Variants in FIG4 observed in about 807,000 individuals in gnomAD.
FIG4 encodes polyphosphoinositide phosphatase.
A neutral mutation model predicts 118.6 loss-of-function variants in FIG4; 112 were observed. That is an observed-to-expected ratio of 0.94 (90% CI 0.81 to 1.11). The LOEUF (loss-of-function observed/expected upper bound fraction) is 1.11. Among genes scored for constraint, FIG4 ranks in the 50% least tolerant of loss-of-function variants. The pLI, the probability that FIG4 is intolerant of heterozygous loss-of-function variation, is 0.00. For missense variants in FIG4, 969 were observed against 1,111.7 expected (o/e 0.87, Z 1.83); for synonymous variants, 369 against 381.2 (o/e 0.97, Z 0.37).
intron 21 of FIG4, among the ~76,000 whole-genome samples, chr6:109,796,020 T>C (rs1297423417): frequency 6.6e-6 from 1 of 152,190 alleles, no homozygotes; most frequent in African/African-American, 2.4e-5. Context: ...TTCCAGCAGA[T>C]ATGCACTCCA....
chr6:109,818,768 A>G (rs1423448255), intron 22 of FIG4, among the ~76,000 whole-genome samples: 2 of 152,170 alleles, frequency 1.3e-5, no homozygotes, highest in African/African-American at 4.8e-5. Context: ...CTGTGCCACT[A>G]ATCTGCAAAA....
chr6:109,720,405 A>G (rs1467283824), intron 3 of FIG4, among the ~76,000 whole-genome samples: 1 of 152,234 alleles, frequency 6.6e-6, no homozygotes, highest in Non-Finnish European at 1.5e-5. Context: ...AACTTTTTGA[A>G]CATGCTGAAT....
intron 18 of FIG4, among the ~76,000 whole-genome samples, chr6:109,787,106 G>A (rs185206490): frequency 9.1e-4 from 138 of 152,146 alleles, no homozygotes; most frequent in Non-Finnish European, 1.2e-3. Context: ...AACTTATGTG[G>A]CATGGTTTCC....
At chr6:109,785,193 CTT>C (rs1483573446) in intron 17 of FIG4, among the ~76,000 whole-genome samples, 165 bp downstream of exon 17, 2 of 152,114 alleles carry the variant, frequency 1.3e-5, no homozygotes, top group Non-Finnish European at 2.9e-5. Context: ...TATAACATCT[CTT>C]AGCTTTTTAA....
intron 22 of FIG4, among the ~76,000 whole-genome samples, chr6:109,804,701 T>C (rs949909563): frequency 6.6e-6 from 1 of 152,178 alleles, no homozygotes. Context: ...GAAATCATAC[T>C]CTGGAAATCA....
chr6:109,823,325 A>G (rs1779066885), intron 22 of FIG4, among the ~76,000 whole-genome samples: 2 of 152,290 alleles, frequency 1.3e-5, no homozygotes, highest in South Asian at 4.1e-4. Context: ...TACTCTGAGG[A>G]GCTGAAATTC....
chr6:109,738,310 A>G lies in FIG4; in HGVS notation c.647-15A>G. The G allele has an allele frequency of 6.3e-7, 1 of 1,595,356 alleles. No individual in the cohort carries two copies. ...TTTGTGTATTTATGGACTGATACAG[A>G]CTTTTATTTTTCAGGGGTATTTGGG... is the stretch of plus-strand genomic sequence containing the variant. On this transcript the variant is annotated splice_polypyrimidine_tract_variant and intron_variant, in intron 6 of 22. Coordinates refer to ENST00000230124, the MANE Select transcript of FIG4 (RefSeq NM_014845.6).
chr6:109,738,751 G>A lies in FIG4; in HGVS notation c.775+298G>A, dbSNP rs12201444. Reference sequence around the variant, plus strand: ...AATTACTGATAGTTGGAGAGGATGGGACAGGCCCATGGGAATAGTTGAACT... The same window carrying A: ...AATTACTGATAGTTGGAGAGGATGGAACAGGCCCATGGGAATAGTTGAACT... On this transcript the variant is annotated intron_variant, in intron 7 of 22. Coordinates refer to ENST00000230124, the MANE Select transcript of FIG4 (RefSeq NM_014845.6). Among the ~76,000 whole-genome samples, 51,402 of 152,128 alleles carry A rather than the reference G, an allele frequency of 0.34. 9,312 individuals are homozygous for A. Among genetic ancestry groups the A allele is most frequent in the South Asian group, 0.45 (2,192 of 4,830 alleles).
chr6:109,730,022 G>A (rs1189255574), intron 4 of FIG4, among the ~76,000 whole-genome samples: 7 of 151,878 alleles, frequency 4.6e-5, no homozygotes, highest in African/African-American at 1.7e-4. Flanking sequence ...ATATCTTGAA[G>A]ATGTTAGTTT....
At chr6:109,823,724 G>T (rs1779077150) in intron 22 of FIG4, among the ~76,000 whole-genome samples, 2 of 152,072 alleles carry the variant, frequency 1.3e-5, no homozygotes, top group African/African-American at 4.8e-5. Context: ...AACCAGTTTG[G>T]CATCCAGGGT....
At chr6:109,786,251 T>A in intron 17 of FIG4, 51 bp from the exon 18 acceptor site, 1 of 1,510,822 alleles carries the variant, frequency 6.6e-7, no homozygotes. Context: ...ATGGAAATGT[T>A]TGCTTGCTAT....
chr6:109,761,291 A>G lies in FIG4; in HGVS notation c.1272-800A>G, dbSNP rs147866590. Among the ~76,000 whole-genome samples, 129 of 151,912 alleles carry G rather than the reference A, an allele frequency of 8.5e-4. 1 individual carries two copies. Among genetic ancestry groups the G allele is most frequent in the Non-Finnish European group, 1.6e-3 (108 of 67,950 alleles). On this transcript the variant is annotated intron_variant, in intron 11 of 22. Coordinates refer to ENST00000230124, the MANE Select transcript of FIG4 (RefSeq NM_014845.6). ...TTGCAGACTCTGCCGCCCGGGTTCA[A>G]GCGATTCTCCTGTCTCAGCCTCCTG... is the stretch of plus-strand genomic sequence containing the variant.
chr6:109,793,135 C>T (rs1778186092), intron 21 of FIG4, among the ~76,000 whole-genome samples: 1 of 152,202 alleles, frequency 6.6e-6, no homozygotes, highest in African/African-American at 2.4e-5. Flanking sequence ...TGAGACTCTG[C>T]CCCTCAATGA....
intron 1 of FIG4, among the ~76,000 whole-genome samples, chr6:109,704,405 C>T (rs1002327352): frequency 6.6e-6 from 1 of 152,026 alleles, no homozygotes; most frequent in Non-Finnish European, 1.5e-5. Flanking sequence ...CCTGTAATCC[C>T]AGCACTTTGG....
intron 22 of FIG4, among the ~76,000 whole-genome samples, chr6:109,822,783 G>GTGTGTATA (rs1779041323): frequency 2.5e-5 from 3 of 120,680 alleles, no homozygotes; most frequent in African/African-American, 1.1e-4. Context: ...GTGTGTGTGT[G>GTGTGTATA]TATGTATATA....
intron 7 of FIG4, among the ~76,000 whole-genome samples, chr6:109,738,667 G>T (rs925640228): frequency 6.6e-6 from 1 of 152,114 alleles, no homozygotes; most frequent in African/African-American, 2.4e-5. Context: ...AAATAACAAG[G>T]AAGAAAATGC....
intron 10 of FIG4, among the ~76,000 whole-genome samples, chr6:109,746,251 A>G (rs1776494130): frequency 6.6e-6 from 1 of 152,132 alleles, no homozygotes; most frequent in Non-Finnish European, 1.5e-5. Flanking sequence ...TTTAACAAGT[A>G]TTTTTGAGAG....
Position 109,732,652 on chromosome 6 carries a change from T to C in FIG4, c.462T>C (p.Phe154=). The C allele has an allele frequency of 6.6e-7, 1 of 1,518,650 alleles. No homozygotes were observed. Among genetic ancestry groups the C allele is most frequent in the Non-Finnish European group, 9.1e-7 (1 of 1,101,800 alleles). The allele number at this position is 1,518,650 out of a possible 1,614,324, so 94.1% of individuals were successfully genotyped here. The change falls in exon 5 of 23, where the codon TTT becomes TTC. Residue 154 remains phenylalanine, a synonymous_variant. Coordinates refer to ENST00000230124, the MANE Select transcript of FIG4 (RefSeq NM_014845.6). ...TTTTTTTTAGGTATCTACGAATATT[T>C]CAAAATGTGGACCTATCTAGCAATT... ...HPDEARYLRI[F]QNVDLSSNFY...
At chr6:109,807,988 C>G (rs1479146822) in intron 22 of FIG4, among the ~76,000 whole-genome samples, 1 of 152,108 alleles carries the variant, frequency 6.6e-6, no homozygotes, top group Non-Finnish European at 1.5e-5. Flanking sequence ...AGCTGGCACT[C>G]AAATTCATTT....
Sources: allele counts gnomAD v4.1 joint callset (sites outside exome capture counted in the v4.1 genomes callset), GRCh38; gene constraint gnomAD v4.1.1; transcripts MANE v1.5; gene names NCBI Gene and HGNC (gene_info 2026-07-23, HGNC 2026-07-21).